Variants in PID1 observed in about 807,000 individuals in gnomAD.
The protein encoded by PID1 is PTB-containing, cubilin and LRP1-interacting protein.
Under a neutral mutation model 19.1 loss-of-function variants are expected in PID1, and 10 were observed. The observed-to-expected ratio is 0.52, with a 90% CI of 0.32 to 0.89. The LOEUF is 0.89. Ranked by LOEUF, PID1 falls within the 40% of genes least tolerant of loss-of-function variation. The probability of loss-of-function intolerance (pLI) is 0.03; values close to 1 mark genes in which losing one functional copy is unlikely to be tolerated. For missense variants in PID1, 248 were observed against 285.3 expected (o/e 0.87, Z 0.94); for synonymous variants, 130 against 116.0 (o/e 1.12, Z -0.78).
chr2:229,132,809 G>A (rs917225674), intron 2 of PID1, among the ~76,000 whole-genome samples: 4 of 152,036 alleles, frequency 2.6e-5, no homozygotes, highest in Non-Finnish European at 5.9e-5. Flanking sequence ...TATTAAATAG[G>A]TATATTACAA....
intron 2 of PID1, among the ~76,000 whole-genome samples, chr2:229,074,701 T>A (rs1459587128): frequency 1.3e-5 from 2 of 152,200 alleles, no homozygotes; most frequent in African/African-American, 2.4e-5. Flanking sequence ...CTAAAATATG[T>A]CTCAAATATC....
At chr2:229,256,821 C>A (rs542511699) in intron 1 of PID1, among the ~76,000 whole-genome samples, 4 of 152,166 alleles carry the variant, frequency 2.6e-5, no homozygotes, top group Non-Finnish European at 1.5e-5. Context: ...TAGTCCATAT[C>A]TCAATTAACA....
At chr2:229,160,807 T>C (rs1690478129) in intron 1 of PID1, among the ~76,000 whole-genome samples, 1 of 152,200 alleles carries the variant, frequency 6.6e-6, no homozygotes, top group African/African-American at 2.4e-5. Context: ...AAATAAAATG[T>C]GGATTGCTTG....
At chr2:229,151,623 T>C (rs1321011068) in intron 2 of PID1, among the ~76,000 whole-genome samples, 1 of 150,996 alleles carries the variant, frequency 6.6e-6, no homozygotes, top group African/African-American at 2.4e-5. Flanking sequence ...CAGGCTGGAG[T>C]GCAGTGGCAC....
At chr2:229,157,326 A>C (rs1466985945) in intron 1 of PID1, among the ~76,000 whole-genome samples, 3 of 152,046 alleles carry the variant, frequency 2.0e-5, no homozygotes, top group African/African-American at 7.2e-5. Context: ...GCTACTTGGG[A>C]AGCTGAGGCA....
chr2:229,031,215 C>CAAAAAA (rs3083804), intron 2 of PID1, among the ~76,000 whole-genome samples: 7 of 68,418 alleles, frequency 1.0e-4, no homozygotes, highest in African/African-American at 1.3e-4. Flanking sequence ...GACTCTGTCT[C>CAAAAAA]AAAAAAAAAA....
At chr2:229,247,725 C>A (rs1227000) in intron 1 of PID1, among the ~76,000 whole-genome samples, 1 of 152,096 alleles carries the variant, frequency 6.6e-6, no homozygotes, top group African/African-American at 2.4e-5. Flanking sequence ...GGCACAGACA[C>A]TTCAGTGACC....
At chr2:229,088,471 G>A (rs558759811) in intron 2 of PID1, among the ~76,000 whole-genome samples, 8 of 152,260 alleles carry the variant, frequency 5.3e-5, no homozygotes, top group African/African-American at 1.9e-4. Context: ...GAAAGAAAGT[G>A]AACAGGCAAT....
At chr2:229,243,378 T>C (rs1268432481) in intron 1 of PID1, among the ~76,000 whole-genome samples, 1 of 152,114 alleles carries the variant, frequency 6.6e-6, no homozygotes, top group Non-Finnish European at 1.5e-5. Flanking sequence ...ACAGGTTACA[T>C]CGTCTTCTTT....
intron 1 of PID1, among the ~76,000 whole-genome samples, chr2:229,267,715 G>A (rs1024952926): frequency 5.3e-5 from 8 of 152,130 alleles, no homozygotes; most frequent in African/African-American, 1.9e-4. Context: ...GGATGGGTTT[G>A]TTACTTCTGA....
chr2:229,266,158 C>T (rs1192355407), intron 1 of PID1, among the ~76,000 whole-genome samples: 2 of 152,130 alleles, frequency 1.3e-5, no homozygotes, highest in Admixed American at 6.5e-5. Context: ...ATGAAAACAA[C>T]AACAAAATCT....
At chr2:229,066,910 C>G (rs1694338631) in intron 2 of PID1, among the ~76,000 whole-genome samples, 1 of 152,124 alleles carries the variant, frequency 6.6e-6, no homozygotes, top group Non-Finnish European at 1.5e-5. Flanking sequence ...TCCATAGGAA[C>G]AGATTATAAC....
At chr2:229,183,618 A>G (rs2106221032) in intron 1 of PID1, among the ~76,000 whole-genome samples, 1 of 152,224 alleles carries the variant, frequency 6.6e-6, no homozygotes, top group African/African-American at 2.4e-5. Context: ...TGGAGTGGGT[A>G]CATCAGTCTT....
At chr2:229,061,979 C>T (rs1694221380) in intron 2 of PID1, among the ~76,000 whole-genome samples, 1 of 151,878 alleles carries the variant, frequency 6.6e-6, no homozygotes, top group African/African-American at 2.4e-5. Context: ...TCAGTTGTAA[C>T]AGTTTTTTTT....
chr2:229,067,487 G>T (rs1327536348), intron 2 of PID1, among the ~76,000 whole-genome samples: 1 of 152,036 alleles, frequency 6.6e-6, no homozygotes, highest in African/African-American at 2.4e-5. Flanking sequence ...TGAGGCCACT[G>T]ACTTCCCTCC....
At chr2:229,261,587 A>C (rs1690462011) in intron 1 of PID1, among the ~76,000 whole-genome samples, 1 of 152,208 alleles carries the variant, frequency 6.6e-6, no homozygotes, top group Non-Finnish European at 1.5e-5. Flanking sequence ...ACTCTGAGGA[A>C]AGGTTTGTCA....
chr2:229,142,194 C>A (rs1235884996), intron 2 of PID1, among the ~76,000 whole-genome samples: 4 of 151,812 alleles, frequency 2.6e-5, no homozygotes, highest in Non-Finnish European at 5.9e-5. Flanking sequence ...TAGTACTGCT[C>A]CCACAAAAAA....
At chr2:229,070,903 T>C (rs1694438138) in intron 2 of PID1, among the ~76,000 whole-genome samples, 1 of 152,142 alleles carries the variant, frequency 6.6e-6, no homozygotes, top group Admixed American at 6.5e-5. Flanking sequence ...CATCAAGAAA[T>C]GGTGTCAAAT....
At chr2:229,141,408 A>T (rs1174664444) in intron 2 of PID1, among the ~76,000 whole-genome samples, 10 of 152,122 alleles carry the variant, frequency 6.6e-5, no homozygotes, top group Admixed American at 6.6e-4. Flanking sequence ...ACAGAAGAAA[A>T]GGGACTTTTA....
Sources: gnomAD v4.1 joint callset for allele counts (sites outside exome capture counted in the v4.1 genomes callset) on GRCh38, gnomAD v4.1.1 for gene constraint, MANE v1.5 for transcripts, NCBI Gene and HGNC (gene_info 2026-07-23, HGNC 2026-07-21) for gene names.